Variants in TASP1 observed in about 807,000 individuals in gnomAD.
TASP1 encodes the protein threonine aspartase 1.
TASP1 carries 16 observed loss-of-function variants against 56.6 expected under a neutral mutation model. The observed-to-expected ratio is 0.28, with a 90% CI of 0.19 to 0.43. TASP1 has a LOEUF of 0.43. Ranked by LOEUF, TASP1 falls within the 20% of genes least tolerant of loss-of-function variation. The pLI is 1.00. For missense variants in TASP1, 393 were observed against 511.6 expected (o/e 0.77, Z 2.24); for synonymous variants, 179 against 184.2 (o/e 0.97, Z 0.23).
At chr20:13,474,382 G>A (rs1388114023) in intron 11 of TASP1, among the ~76,000 whole-genome samples, 5 of 152,158 alleles carry the variant, frequency 3.3e-5, no homozygotes, top group Admixed American at 3.3e-4. Flanking sequence ...GAGAACATAT[G>A]ATATTTGGTT....
At chr20:13,452,950 C>T (rs538206059) in intron 11 of TASP1, among the ~76,000 whole-genome samples, 3 of 152,158 alleles carry the variant, frequency 2.0e-5, no homozygotes, top group Admixed American at 1.3e-4. Flanking sequence ...CTGAAGGCTG[C>T]GTGACCAGGA....
chr20:13,423,319 T>C (rs1279955126), intron 12 of TASP1, among the ~76,000 whole-genome samples: 4 of 152,200 alleles, frequency 2.6e-5, no homozygotes, highest in Non-Finnish European at 5.9e-5. Flanking sequence ...TGTCATTTAC[T>C]ACACACATCT....
At chr20:13,534,911 G>A (rs1309613383) in intron 8 of TASP1, among the ~76,000 whole-genome samples, 1 of 152,092 alleles carries the variant, frequency 6.6e-6, no homozygotes, top group African/African-American at 2.4e-5. Flanking sequence ...AATGATTAAG[G>A]GAGGCAAGAA....
chr20:13,188,288 T>A, the TASP1 span, among the ~76,000 whole-genome samples: 1 of 152,122 alleles, frequency 6.6e-6, no homozygotes, highest in South Asian at 2.1e-4. Flanking sequence ...ATCTTATATT[T>A]AGAAAAACAC....
chr20:13,307,941 G>A, the TASP1 span, among the ~76,000 whole-genome samples: 1 of 152,224 alleles, frequency 6.6e-6, no homozygotes, highest in Admixed American at 6.5e-5. Flanking sequence ...TCCATGGGGA[G>A]TGGAATTAGA....
At chr20:13,269,129 A>G in the TASP1 span, among the ~76,000 whole-genome samples, 1 of 152,278 alleles carries the variant, frequency 6.6e-6, no homozygotes, top group African/African-American at 2.4e-5. Flanking sequence ...GTGTGCTGAA[A>G]TATACACTCC....
chr20:13,505,455 G>T lies in TASP1; in HGVS notation c.875-22118C>A, dbSNP rs560706128. On this transcript the variant is annotated intron_variant, in intron 10 of 13. Coordinates refer to ENST00000337743, the MANE Select transcript of TASP1 (RefSeq NM_017714.3). ...CCACCCAACAGCAGCCAAATATACA[G>T]ATAGCCAGCTCAACTCTGCAGGATT... Among the ~76,000 whole-genome samples, 75 of 152,094 alleles carry T rather than the reference G, an allele frequency of 4.9e-4. 1 individual carries two copies. The South Asian group carries it at 6.5e-3, about 13-fold the overall frequency.
the TASP1 span, among the ~76,000 whole-genome samples, chr20:13,290,351 C>T: frequency 6.6e-6 from 1 of 152,024 alleles, no homozygotes; most frequent in Admixed American, 6.6e-5. Flanking sequence ...AAAGATGAGG[C>T]AAAAGAAAAT....
chr20:13,290,574 G>A, the TASP1 span, among the ~76,000 whole-genome samples: 65 of 152,222 alleles, frequency 4.3e-4, no homozygotes, highest in African/African-American at 1.5e-3. Flanking sequence ...GCAGGAACCC[G>A]GGAGGCGGAG....
At chr20:13,384,838 C>A (rs2041152548), downstream of TASP1, among the ~76,000 whole-genome samples, 1 of 152,200 alleles carries the variant, frequency 6.6e-6, no homozygotes. Flanking sequence ...TGCTGCTGGG[C>A]TCAGCCTTGT....
At chr20:13,267,462 T>C in the TASP1 span, among the ~76,000 whole-genome samples, 2 of 152,190 alleles carry the variant, frequency 1.3e-5, no homozygotes, top group Non-Finnish European at 2.9e-5. Context: ...CACTTCCCTT[T>C]CCATGTGTAG....
the TASP1 span, among the ~76,000 whole-genome samples, chr20:13,363,164 T>C: frequency 9.0e-3 from 1,363 of 152,210 alleles, 23 homozygotes; most frequent in African/African-American, 0.031. Flanking sequence ...ACAACTCTTG[T>C]TGGGCTCCTA....
the TASP1 span, chr20:13,167,435 C>T: frequency 6.6e-6 from 1 of 152,116 alleles, no homozygotes; most frequent in African/African-American, 2.4e-5. Flanking sequence ...CGCACTCAGC[C>T]CTTCTGTTCA....
intron 9 of TASP1, among the ~76,000 whole-genome samples, chr20:13,532,506 C>A (rs112857766): frequency 0.021 from 3,256 of 151,972 alleles, 105 homozygotes; most frequent in African/African-American, 0.074. Context: ...AGCCCTTTTA[C>A]TCCTTTCTTC....
At chr20:13,429,487 T>TA (rs2042728907) in intron 12 of TASP1, among the ~76,000 whole-genome samples, 2 of 149,916 alleles carry the variant, frequency 1.3e-5, no homozygotes, top group Non-Finnish European at 3.0e-5. Flanking sequence ...TTTTTTTTTT[T>TA]TAAAAAGGAC....
intron 12 of TASP1, among the ~76,000 whole-genome samples, chr20:13,433,084 G>A (rs931334790): frequency 3.4e-4 from 51 of 152,082 alleles, no homozygotes; most frequent in Non-Finnish European, 7.4e-5. Flanking sequence ...CCATCAACCT[G>A]TCATCTACAT....
intron 8 of TASP1, 56 bp from the exon 9 acceptor site, chr20:13,534,197 A>T: frequency 2.5e-6 from 4 of 1,599,806 alleles, no homozygotes; most frequent in Non-Finnish European, 3.4e-6. Context: ...ACAATCTGAT[A>T]TGACTACATA....
intron 4 of TASP1, among the ~76,000 whole-genome samples, chr20:13,599,615 A>T (rs1325479431): frequency 1.3e-5 from 2 of 152,200 alleles, no homozygotes; most frequent in Non-Finnish European, 2.9e-5. Flanking sequence ...AACATGGCAC[A>T]TGTGTAGCTA....
chr20:13,464,114 G>T (rs1297600053), intron 11 of TASP1, among the ~76,000 whole-genome samples: 1 of 152,174 alleles, frequency 6.6e-6, no homozygotes, highest in East Asian at 1.9e-4. Context: ...AGGCTAAATT[G>T]TATCTCCTGC....
Sources: gnomAD v4.1 joint callset for allele counts (sites outside exome capture counted in the v4.1 genomes callset) on GRCh38, gnomAD v4.1.1 for gene constraint, MANE v1.5 for transcripts, NCBI Gene and HGNC (gene_info 2026-07-23, HGNC 2026-07-21) for gene names.